The following NELL1 variants were observed in gnomAD, a reference collection of about 807,000 sequenced individuals.
NELL1 encodes the protein neural EGFL like 1, also known as protein kinase C-binding protein NELL1.
Under a neutral mutation model 107.4 loss-of-function variants are expected in NELL1, and 76 were observed. The observed-to-expected ratio is 0.71, with a 90% CI of 0.59 to 0.86. NELL1 has a LOEUF of 0.86. Among genes scored for constraint, NELL1 ranks in the 40% least tolerant of loss-of-function variants. The pLI is 0.00. For synonymous variants in NELL1, 353 were observed against 341.2 expected, an observed-to-expected ratio of 1.03 and a Z score of -0.38; for missense variants, 1,024 against 1,005.5, an observed-to-expected ratio of 1.02 and a Z score of -0.25.
intron 14 of NELL1, among the ~76,000 whole-genome samples, chr11:21,293,776 T>C (rs952043521): frequency 6.6e-6 from 1 of 152,170 alleles, no homozygotes; most frequent in Non-Finnish European, 1.5e-5. Context: ...TCATGTCCTT[T>C]GCCAGGACAT....
intron 14 of NELL1, among the ~76,000 whole-genome samples, chr11:21,369,355 A>C (rs1945454): frequency 0.25 from 35,653 of 143,816 alleles, 4,919 homozygotes; most frequent in Admixed American, 0.39. Flanking sequence ...TTACCATGGT[A>C]GGTACTATTT....
chr11:20,802,836 TTTCC>T (rs1425164986), intron 3 of NELL1, among the ~76,000 whole-genome samples: 2 of 152,248 alleles, frequency 1.3e-5, no homozygotes, highest in African/African-American at 4.8e-5. Flanking sequence ...TGTATAATTT[TTTCC>T]TTCATTCTGT....
chr11:21,203,419 T>C (rs1224354086), intron 13 of NELL1, among the ~76,000 whole-genome samples: 1 of 145,010 alleles, frequency 6.9e-6, no homozygotes, highest in African/African-American at 2.5e-5. Flanking sequence ...CGTCTAGAAT[T>C]GCAACCCTTG....
At chr11:21,176,416 C>T (rs1314758545) in intron 13 of NELL1, among the ~76,000 whole-genome samples, 1 of 151,742 alleles carries the variant, frequency 6.6e-6, no homozygotes, top group Non-Finnish European at 1.5e-5. Context: ...AAAGTGATGG[C>T]AGTTATATTT....
intron 16 of NELL1, among the ~76,000 whole-genome samples, chr11:21,539,284 C>T (rs1304167305): frequency 1.3e-5 from 2 of 152,034 alleles, no homozygotes; most frequent in Non-Finnish European, 2.9e-5. Context: ...GTGCCTGAAA[C>T]TCCTAAAGCC....
intron 13 of NELL1, among the ~76,000 whole-genome samples, chr11:21,219,862 G>T (rs1368251595): frequency 6.6e-6 from 1 of 152,302 alleles, no homozygotes; most frequent in African/African-American, 2.4e-5. Flanking sequence ...AGGTTTCATT[G>T]ACTCTCAGTT....
chr11:21,351,343 T>G (rs988960020), intron 14 of NELL1, among the ~76,000 whole-genome samples: 2 of 152,028 alleles, frequency 1.3e-5, no homozygotes, highest in African/African-American at 4.8e-5. Flanking sequence ...ATACAGGTCT[T>G]TAAGCTAGAC....
intron 12 of NELL1, among the ~76,000 whole-genome samples, chr11:21,102,276 G>T (rs1194087155): frequency 6.6e-6 from 1 of 152,188 alleles, no homozygotes; most frequent in African/African-American, 2.4e-5. Context: ...ATCTGTTCAT[G>T]AGCATGGCCC....
At chr11:21,273,228 AC>A (rs1218903984) in intron 14 of NELL1, among the ~76,000 whole-genome samples, 1 of 152,178 alleles carries the variant, frequency 6.6e-6, no homozygotes, top group African/African-American at 2.4e-5. Context: ...GGAGCTGAAA[AC>A]CAAGGCATGC....
At chr11:20,892,668 C>A (rs1849640837) in intron 5 of NELL1, among the ~76,000 whole-genome samples, 1 of 152,210 alleles carries the variant, frequency 6.6e-6, no homozygotes, top group Non-Finnish European at 1.5e-5. Context: ...CGGTGGCTCA[C>A]ACCTGTAATC....
chr11:21,553,346 C>T (rs1856635739), intron 16 of NELL1, among the ~76,000 whole-genome samples: 1 of 151,792 alleles, frequency 6.6e-6, no homozygotes, highest in Non-Finnish European at 1.5e-5. Context: ...TTGGCACTTG[C>T]TTGTAAATAC....
chr11:21,206,815 C>T (rs561611075), intron 13 of NELL1, among the ~76,000 whole-genome samples: 5 of 152,168 alleles, frequency 3.3e-5, no homozygotes, highest in South Asian at 2.1e-4. Flanking sequence ...GGGCAAACTT[C>T]TGTGATAAAG....
chr11:21,325,286 G>A (rs558629069), intron 14 of NELL1, among the ~76,000 whole-genome samples: 3 of 152,060 alleles, frequency 2.0e-5, no homozygotes, highest in South Asian at 2.1e-4. Flanking sequence ...CATTTAGGTT[G>A]TTTCTGATGT....
At chr11:20,867,605 G>C (rs982021216) in intron 4 of NELL1, among the ~76,000 whole-genome samples, 4 of 152,160 alleles carry the variant, frequency 2.6e-5, no homozygotes, top group Non-Finnish European at 5.9e-5. Context: ...TGATCTCTGG[G>C]TATCCTCAAA....
intron 3 of NELL1, among the ~76,000 whole-genome samples, chr11:20,828,281 A>C (rs1297474258): frequency 6.6e-6 from 1 of 151,292 alleles, no homozygotes; most frequent in Non-Finnish European, 1.5e-5. Flanking sequence ...TTTCTGTCCT[A>C]AGTTTAAAGG....
intron 15 of NELL1, among the ~76,000 whole-genome samples, chr11:21,375,599 A>C (rs968713580): frequency 1.6e-4 from 25 of 152,092 alleles, no homozygotes; most frequent in African/African-American, 5.6e-4. Flanking sequence ...ATCAAATAGT[A>C]GTTTTAAGTT....
intron 12 of NELL1, among the ~76,000 whole-genome samples, chr11:21,076,454 C>A (rs1214582506): frequency 6.6e-6 from 1 of 152,182 alleles, no homozygotes; most frequent in African/African-American, 2.4e-5. Context: ...TATGGCTTTT[C>A]ATTGGCTGAA....
At chr11:21,469,889 T>C (rs980684511) in intron 15 of NELL1, among the ~76,000 whole-genome samples, 1 of 152,082 alleles carries the variant, frequency 6.6e-6, no homozygotes, top group East Asian at 1.9e-4. Flanking sequence ...TTGTGTACTT[T>C]CAGATTGCTA....
chr11:20,954,138 A>G (rs1411434206), intron 11 of NELL1, among the ~76,000 whole-genome samples: 1 of 152,226 alleles, frequency 6.6e-6, no homozygotes, highest in Non-Finnish European at 1.5e-5. Flanking sequence ...TCAGCTTCAT[A>G]TAATTGTTAT....
Sources: allele counts gnomAD v4.1 joint callset (sites outside exome capture counted in the v4.1 genomes callset), GRCh38; gene constraint gnomAD v4.1.1; transcripts MANE v1.5; gene names NCBI Gene and HGNC (gene_info 2026-07-23, HGNC 2026-07-21).